MAPKAP1: variants seen among roughly 807,000 people sequenced by gnomAD.
The protein encoded by MAPKAP1 is target of rapamycin complex 2 subunit MAPKAP1.
In MAPKAP1, 20 loss-of-function variants were observed where a neutral mutation model predicts 65.7. The ratio of observed to expected loss-of-function variants is 0.30; its 90% CI spans 0.21 to 0.44. The LOEUF is 0.44. Ranked by LOEUF, MAPKAP1 falls within the 20% of genes least tolerant of loss-of-function variation. MAPKAP1 has a pLI of 1.00. For missense variants in MAPKAP1, 423 were observed against 648.0 expected, an observed-to-expected ratio of 0.65 and a Z score of 3.77; for synonymous variants, 222 against 244.3, an observed-to-expected ratio of 0.91 and a Z score of 0.85.
At chr9:125,573,018 G>A (rs368428705) in intron 5 of MAPKAP1, 3 of 145,672 alleles carry the variant, frequency 2.1e-5, no homozygotes, top group Non-Finnish European at 3.0e-5. Context: ...TATCATAATC[G>A]CTATTCAGCC....
chr9:125,572,711 C>T (rs1831271334), intron 5 of MAPKAP1, among the ~76,000 whole-genome samples: 1 of 152,168 alleles, frequency 6.6e-6, no homozygotes, highest in South Asian at 2.1e-4. Context: ...GCTAACAATC[C>T]CATATCGGCT....
chr9:125,534,074 T>C (rs1483689406), intron 7 of MAPKAP1, among the ~76,000 whole-genome samples: 2 of 152,202 alleles, frequency 1.3e-5, no homozygotes, highest in Non-Finnish European at 2.9e-5. Flanking sequence ...CCTTAACACA[T>C]ATGTATTTTT....
chr9:125,662,171 C>T (rs910433488), intron 3 of MAPKAP1, among the ~76,000 whole-genome samples: 3 of 152,022 alleles, frequency 2.0e-5, no homozygotes, highest in African/African-American at 4.8e-5. Context: ...CACTTGAGCC[C>T]AGGAGTTCAA....
intron 4 of MAPKAP1, among the ~76,000 whole-genome samples, chr9:125,643,339 C>T (rs1195962924): frequency 2.0e-5 from 3 of 151,852 alleles, no homozygotes; most frequent in African/African-American, 7.3e-5. Context: ...AGACTACAGG[C>T]ACCCACCACC....
intron 7 of MAPKAP1, among the ~76,000 whole-genome samples, chr9:125,522,178 G>C (rs1201459925): frequency 2.0e-5 from 3 of 152,212 alleles, no homozygotes; most frequent in Non-Finnish European, 4.4e-5. Context: ...CAACTCTTCA[G>C]GGAAGCACCA....
chr9:125,477,842 C>T (rs540006826), intron 9 of MAPKAP1, among the ~76,000 whole-genome samples: 48 of 152,164 alleles, frequency 3.2e-4, no homozygotes, highest in Non-Finnish European at 4.6e-4. Context: ...GTTAGGCACA[C>T]AGGATCAGGT....
At chr9:125,607,782 A>C (rs1207218112) in intron 4 of MAPKAP1, among the ~76,000 whole-genome samples, 1 of 152,140 alleles carries the variant, frequency 6.6e-6, no homozygotes, top group Non-Finnish European at 1.5e-5. Context: ...CAGCCTCCCA[A>C]GTAGCTGGGA....
intron 4 of MAPKAP1, among the ~76,000 whole-genome samples, chr9:125,629,203 A>C (rs1360798912): frequency 6.6e-6 from 1 of 152,228 alleles, no homozygotes; most frequent in African/African-American, 2.4e-5. Context: ...GGTTCCTCAA[A>C]AAATTACAAA....
intron 1 of MAPKAP1, among the ~76,000 whole-genome samples, chr9:125,691,443 T>C (rs1339970074): frequency 1.3e-5 from 2 of 152,034 alleles, no homozygotes; most frequent in East Asian, 3.9e-4. Context: ...TCAGACACAA[T>C]GAGCGGGCTT....
intron 10 of MAPKAP1, among the ~76,000 whole-genome samples, chr9:125,461,680 T>C (rs1853499546): frequency 6.6e-6 from 1 of 152,226 alleles, no homozygotes; most frequent in African/African-American, 2.4e-5. Flanking sequence ...GGGGCATTAA[T>C]ATGTGAGAGT....
In MAPKAP1 at chr9:125,496,627, C is replaced by A. The variant is rs1356632854; in HGVS notation, c.1066+9683G>T. 2.0e-5 allele frequency among the ~76,000 whole-genome samples: 3 copies of A among 152,268 alleles called. No homozygotes were observed. In the East Asian group the frequency reaches 5.8e-4, roughly 29 times the overall value. Reference sequence around the variant, plus strand: ...CTCCAGAGCTGGCACAGAGCACACGCAGGAGGAAGAATCAGCCCGTTATAA... The same window carrying A: ...CTCCAGAGCTGGCACAGAGCACACGAAGGAGGAAGAATCAGCCCGTTATAA... On this transcript the variant is annotated intron_variant, in intron 8 of 11. Transcript: ENST00000265960.
intron 11 of MAPKAP1, among the ~76,000 whole-genome samples, chr9:125,440,626 C>A (rs1589191295): frequency 6.6e-6 from 1 of 152,094 alleles, no homozygotes; most frequent in Non-Finnish European, 1.5e-5. Flanking sequence ...CTCAGATGGC[C>A]GAGGCTTCAA....
At chr9:125,469,038 T>G (rs1853795668) in intron 9 of MAPKAP1, among the ~76,000 whole-genome samples, 1 of 152,164 alleles carries the variant, frequency 6.6e-6, no homozygotes, top group Non-Finnish European at 1.5e-5. Flanking sequence ...CTCTTTTTCC[T>G]CTTTTGCTGA....
chr9:125,439,843 C>A lies in MAPKAP1; in HGVS notation c.1444-831G>T, dbSNP rs1852417362. 6.6e-6 allele frequency among the ~76,000 whole-genome samples: 1 copy of A among 152,396 alleles called. No individual in the cohort carries two copies. Among genetic ancestry groups the A allele is most frequent in the Middle Eastern group, 3.4e-3 (1 of 294 alleles). ...TGCCTGGTGAGTGGGTGTCCAGCAG[C>A]AGAACCAGCACTGCAGCAGGCAAAG... On this transcript the variant is annotated intron_variant, in intron 11 of 11. Coordinates refer to ENST00000265960, the MANE Select transcript of MAPKAP1 (RefSeq NM_001006617.3). The surrounding 1 kb of genome is among the most constrained non-coding windows in gnomAD (Gnocchi z 4.0).
At chr9:125,512,647 T>C (rs1399836734) in intron 7 of MAPKAP1, among the ~76,000 whole-genome samples, 1 of 149,138 alleles carries the variant, frequency 6.7e-6, no homozygotes, top group Non-Finnish European at 1.5e-5. Context: ...AGTGGCGCAA[T>C]CTCGGCTCAC....
intron 5 of MAPKAP1, among the ~76,000 whole-genome samples, chr9:125,576,549 C>G (rs893327602): frequency 6.6e-6 from 1 of 152,204 alleles, no homozygotes; most frequent in African/African-American, 2.4e-5. Flanking sequence ...TCTCTTTCCA[C>G]GGTCTCCCTC....
At chr9:125,658,558 T>C (rs1834098413) in intron 3 of MAPKAP1, among the ~76,000 whole-genome samples, 1 of 152,138 alleles carries the variant, frequency 6.6e-6, no homozygotes, top group Non-Finnish European at 1.5e-5. Context: ...AGAACTAGAA[T>C]TTGCACCTGA....
chr9:125,529,342 T>C (rs76138731), intron 7 of MAPKAP1, among the ~76,000 whole-genome samples: 2,991 of 152,214 alleles, frequency 0.02, 159 homozygotes, highest in East Asian at 0.15. Flanking sequence ...GTCACCCTTA[T>C]ATCCTTATTC....
At chr9:125,469,583 G>A (rs926218352) in intron 9 of MAPKAP1, among the ~76,000 whole-genome samples, 3 of 152,342 alleles carry the variant, frequency 2.0e-5, no homozygotes, top group South Asian at 4.1e-4. Context: ...GGGAGACAAT[G>A]CAGAGATGGC....
Sources: allele counts gnomAD v4.1 joint callset (sites outside exome capture counted in the v4.1 genomes callset), GRCh38; gene constraint gnomAD v4.1.1; non-coding constraint Gnocchi (gnomAD v3.1); transcripts MANE v1.5; gene names NCBI Gene and HGNC (gene_info 2026-07-23, HGNC 2026-07-21).